Variants in PCDH15 observed in about 807,000 individuals in gnomAD.
PCDH15 encodes protocadherin related 15, also known as protocadherin-15.
A neutral mutation model predicts 178.5 loss-of-function variants in PCDH15; 129 were observed. The ratio of observed to expected loss-of-function variants is 0.72; its 90% CI spans 0.63 to 0.84. The LOEUF is 0.84. PCDH15 is among the 40% of genes least tolerant of loss of function. The probability of loss-of-function intolerance (pLI) is 0.00; values close to 1 mark genes in which losing one functional copy is unlikely to be tolerated. For synonymous variants in PCDH15, 800 were observed against 732.0 expected, an observed-to-expected ratio of 1.09 and a Z score of -1.50; for missense variants, 2,230 against 2,099.9, an observed-to-expected ratio of 1.06 and a Z score of -1.21.
chr10:54,094,386 T>C (rs61440854), intron 15 of PCDH15, among the ~76,000 whole-genome samples: 14,340 of 152,206 alleles, frequency 0.094, 1,208 homozygotes, highest in African/African-American at 0.22. Context: ...TTTACACTTA[T>C]AGAAGTGATC....
intron 3 of PCDH15, among the ~76,000 whole-genome samples, chr10:54,525,890 C>A (rs2083314248): frequency 1.3e-5 from 2 of 152,168 alleles, no homozygotes; most frequent in African/African-American, 4.8e-5. Context: ...GGCAGAGGTT[C>A]ATTTGATCAC....
intron 1 of PCDH15, among the ~76,000 whole-genome samples, chr10:55,283,374 T>G (rs546904057): frequency 2.0e-5 from 3 of 152,026 alleles, no homozygotes; most frequent in Non-Finnish European, 2.9e-5. Context: ...TTAAAAACTC[T>G]GATCCCTGAA....
At chr10:54,461,327 A>G (rs2077152479) in intron 3 of PCDH15, among the ~76,000 whole-genome samples, 1 of 152,244 alleles carries the variant, frequency 6.6e-6, no homozygotes, top group Admixed American at 6.5e-5. Context: ...TGTACAGCAG[A>G]TCATGTACAT....
chr10:54,109,491 C>A (rs761369407), intron 15 of PCDH15, among the ~76,000 whole-genome samples: 2 of 152,160 alleles, frequency 1.3e-5, no homozygotes, highest in Admixed American at 6.5e-5. Context: ...ATTATTCAGC[C>A]ATAAAAAGTG....
chr10:54,169,968 C>T (rs555261708), intron 13 of PCDH15, among the ~76,000 whole-genome samples: 1 of 151,318 alleles, frequency 6.6e-6, no homozygotes, highest in South Asian at 2.1e-4. Context: ...ATCCTCAGTA[C>T]CTGCCTCTAT....
At chr10:54,915,176 A>T (rs921722232) in intron 2 of PCDH15, among the ~76,000 whole-genome samples, 5 of 152,228 alleles carry the variant, frequency 3.3e-5, no homozygotes, top group African/African-American at 1.2e-4. Context: ...CTCATGGAAT[A>T]TATGGAATAA....
intron 2 of PCDH15, among the ~76,000 whole-genome samples, chr10:54,906,615 G>C (rs531933471): frequency 6.6e-6 from 1 of 152,066 alleles, no homozygotes; most frequent in Non-Finnish European, 1.5e-5. Flanking sequence ...ATTGCCAGGG[G>C]TAATATTCCT....
At chr10:55,172,348 T>C (rs1012475223) in intron 1 of PCDH15, among the ~76,000 whole-genome samples, 1 of 152,006 alleles carries the variant, frequency 6.6e-6, no homozygotes, top group Non-Finnish European at 1.5e-5. Context: ...TACAAAAGTG[T>C]ACAAATAAAG....
chr10:55,155,261 T>C (rs1838850989), intron 2 of PCDH15, among the ~76,000 whole-genome samples: 1 of 151,766 alleles, frequency 6.6e-6, no homozygotes, highest in Non-Finnish European at 1.5e-5. Context: ...TAATTACAGG[T>C]TTTTCTCTCT....
At chr10:55,586,818 A>AC (rs1842735113) in intron 2 of PCDH15, among the ~76,000 whole-genome samples, 1 of 152,120 alleles carries the variant, frequency 6.6e-6, no homozygotes, top group Admixed American at 6.6e-5. Flanking sequence ...TGGTCAAAAA[A>AC]ATTATACCTC....
chr10:54,719,446 A>G (rs2095518925), intron 1 of PCDH15, among the ~76,000 whole-genome samples: 1 of 152,156 alleles, frequency 6.6e-6, no homozygotes, highest in Non-Finnish European at 1.5e-5. Flanking sequence ...AAATGAAGAA[A>G]TAATTCAGCA....
At chr10:55,452,454 T>C (rs1437535097) in intron 2 of PCDH15, among the ~76,000 whole-genome samples, 1 of 152,314 alleles carries the variant, frequency 6.6e-6, no homozygotes, top group Admixed American at 6.5e-5. Flanking sequence ...ATAATGCTTA[T>C]GTTCCAATTT....
At chr10:54,980,886 T>G (rs919334122) in intron 2 of PCDH15, among the ~76,000 whole-genome samples, 14 of 151,944 alleles carry the variant, frequency 9.2e-5, no homozygotes, top group African/African-American at 3.4e-4. Context: ...TAGAAATGAG[T>G]GAAAAAATCT....
intron 2 of PCDH15, among the ~76,000 whole-genome samples, chr10:55,150,088 GGAA>G (rs10545694): frequency 0.53 from 78,515 of 147,026 alleles, 21,803 homozygotes; most frequent in South Asian, 0.64. Context: ...GGGGAGGGGA[GGAA>G]AAGATAGAAG....
At chr10:54,919,462 A>T (rs1837427931) in intron 2 of PCDH15, among the ~76,000 whole-genome samples, 1 of 152,166 alleles carries the variant, frequency 6.6e-6, no homozygotes, top group Non-Finnish European at 1.5e-5. Flanking sequence ...ATTTCAAGCC[A>T]TAGTGCCTTT....
At chr10:55,538,412 TCCTC>T (rs1181936556) in intron 2 of PCDH15, among the ~76,000 whole-genome samples, 16 of 107,390 alleles carry the variant, frequency 1.5e-4, no homozygotes, top group African/African-American at 2.9e-4. Flanking sequence ...CTTCCTTCCT[TCCTC>T]CCTCCCTCCC....
chr10:54,943,227 C>T (rs768462248), intron 2 of PCDH15, among the ~76,000 whole-genome samples: 11 of 151,938 alleles, frequency 7.2e-5, no homozygotes, highest in Non-Finnish European at 7.4e-5. Context: ...ACAATTCCAA[C>T]TTTGCAAGCC....
intron 8 of PCDH15, among the ~76,000 whole-genome samples, chr10:54,255,077 C>T (rs2056793599): frequency 6.6e-6 from 1 of 152,226 alleles, no homozygotes; most frequent in Non-Finnish European, 1.5e-5. Context: ...CCCCAGAAAG[C>T]ACATATTCTC....
intron 1 of PCDH15, among the ~76,000 whole-genome samples, chr10:54,755,128 T>G (rs547498784): frequency 6.6e-6 from 1 of 151,976 alleles, no homozygotes; most frequent in Non-Finnish European, 1.5e-5. Context: ...GACAGGGTTT[T>G]GCCATGTTGG....
Sources: allele counts gnomAD v4.1 joint callset (sites outside exome capture counted in the v4.1 genomes callset), GRCh38; gene constraint gnomAD v4.1.1; transcripts MANE v1.5; gene names NCBI Gene and HGNC (gene_info 2026-07-23, HGNC 2026-07-21).